Variants in TTN observed in about 807,000 individuals in gnomAD.
TTN encodes the protein connectin.
In TTN, 1,525 loss-of-function variants were observed where a neutral mutation model predicts 3,223.0. The observed-to-expected ratio is 0.47, with a 90% CI of 0.45 to 0.49. TTN has a LOEUF of 0.49. TTN is among the 20% of genes least tolerant of loss of function. The pLI is 0.00. For missense variants in TTN, 40,786 were observed against 43,424.0 expected, an observed-to-expected ratio of 0.94 and a Z score of 5.40; for synonymous variants, 14,094 against 15,161.0, an observed-to-expected ratio of 0.93 and a Z score of 5.17.
Position 178,776,135 on chromosome 2 carries a change from A to G in TTN, c.5729T>C (p.Val1910Ala), listed in dbSNP as rs1322379803. 1 of 1,614,064 alleles carries G rather than the reference A, an allele frequency of 6.2e-7. No individual in the cohort carries two copies. Among genetic ancestry groups the G allele is most frequent in the Non-Finnish European group, 8.5e-7 (1 of 1,179,974 alleles). Residue 1910 changes from valine (V) to alanine (A), a missense_variant, in exon 28 of 363, where the codon GTG (valine) becomes GCG (alanine). By Grantham distance (64) the Val-to-Ala change is moderately conservative (BLOSUM62 0). Transcript: ENST00000589042. ...VDCKSYDTGE[V>A]KVTAENPEGV... The stretch of plus-strand genomic sequence containing the variant: ...TTCAGGATTTTCCGCGGTGACCTTC[A>G]CTTCACCTGTGTCATATGATTTGCA...
At chr2:178,666,763 A>C in intron 163 of TTN, 61 bp downstream of exon 163, 4 of 1,383,542 alleles carry the variant, frequency 2.9e-6, no homozygotes, top group Non-Finnish European at 3.9e-6. Flanking sequence ...TAGTATTTTT[A>C]CATGTGTTAA....
At position 178,719,315 on chromosome 2, in the gene TTN, A is replaced by G. The variant is rs371496970; in HGVS notation, c.24075T>C (p.Ile8025=). 1 of 1,613,674 alleles carries G rather than the reference A, an allele frequency of 6.2e-7. No individual in the cohort carries two copies. ...TGGACTGACATTTGGGCCCACTAACAATCTCATTTCCATCCTGAAACCAGC... is the reference window on the plus strand; with the variant it reads ...TGGACTGACATTTGGGCCCACTAACGATCTCATTTCCATCCTGAAACCAGC... The part of the protein sequence containing the change: ...SVGWFQDGNE[I]VSGPKCQSSF... Residue 8025 remains isoleucine, a synonymous_variant, in exon 83 of 363, where the codon ATT becomes ATC. Coordinates refer to ENST00000589042, the MANE Select transcript of TTN (RefSeq NM_001267550.2).
chr2:178,649,104 A>T, intron 213 of TTN, 144 bp downstream of exon 213: 1 of 640,836 alleles, frequency 1.6e-6, no homozygotes, highest in Non-Finnish European at 2.5e-6. Flanking sequence ...TGTCTGTTTC[A>T]TTTTTTTCCC....
rs1201765311 is a variant in TTN at position 178,748,734 on chromosome 2, G to A, written c.11311+4390C>T. ...TTAGAAATTGCAGGTTTATCTATAAGACTTATTTTTTCCTGTTGTTCCCTT... is the reference window on the plus strand; with the variant it reads ...TTAGAAATTGCAGGTTTATCTATAAAACTTATTTTTTCCTGTTGTTCCCTT... On this transcript the variant is annotated intron_variant, in intron 47 of 362. Transcript: ENST00000589042. 3 of 1,612,442 alleles carry A rather than the reference G, an allele frequency of 1.9e-6. No individual in the cohort carries two copies. In the African/African-American group the frequency reaches 4.0e-5, roughly 22 times the overall value.
chr2:178,553,439 A>T, intron 334 of TTN, 43 bp from the exon 335 acceptor site: 1 of 1,571,408 alleles, frequency 6.4e-7, no homozygotes, highest in Non-Finnish European at 8.6e-7. Flanking sequence ...TTTAAAAGCA[A>T]AAAAGAGTGA....
At position 178,607,833 on chromosome 2, in the gene TTN, C is replaced by T; in HGVS notation, c.52954G>A (p.Glu17652Lys). The T allele has an allele frequency of 1.2e-6, 2 of 1,613,030 alleles. No individual in the cohort carries two copies. Among genetic ancestry groups the T allele is most frequent in the South Asian group, 1.1e-5 (1 of 91,070 alleles). ...LRVSAVNAAG[E>K]GPPGETQPVT... ...GGTTGTGTTTCTCCAGGCGGTCCTT[C>T]CCCTGCGGCATTGACAGCACTCACC... Residue 17652 changes from glutamate (E) to lysine (K), a missense_variant, in exon 276 of 363, where the codon GAA (glutamate) becomes AAA (lysine). Coordinates refer to ENST00000589042, the MANE Select transcript of TTN (RefSeq NM_001267550.2).
chr2:178,622,538 C>T lies in TTN; in HGVS notation c.44913+132G>A, dbSNP rs2058447884. ...ATTAAAGTCAAGAATACATTTTATA[C>T]TACAATTATCTTTAAAAGTAAAGTG... On this transcript the variant is annotated intron_variant, in intron 243 of 362. Coordinates refer to ENST00000589042, the MANE Select transcript of TTN (RefSeq NM_001267550.2). The T allele has an allele frequency of 1.0e-5, 7 of 666,690 alleles. No individual in the cohort carries two copies. In the South Asian group the frequency reaches 1.4e-4, roughly 13 times the overall value. The allele number at this position is 666,690 out of a possible 1,614,324, so 41.3% of individuals were successfully genotyped here. A position where few individuals can be genotyped will look rare whatever the true frequency, so the allele number is the denominator to read the frequency against.
chr2:178,708,806 G>A (rs574697649), intron 99 of TTN, among the ~76,000 whole-genome samples: 2 of 152,262 alleles, frequency 1.3e-5, no homozygotes, highest in South Asian at 4.1e-4. Context: ...CCTGTGCACT[G>A]TGAGATAACT....
Position 178,592,791 on chromosome 2 carries a change from T to C in TTN, c.59328A>G (p.Leu19776=), listed in dbSNP as rs371660728. Residue 19776 remains leucine, a synonymous_variant, in exon 300 of 363, where the codon CTA becomes CTG. Coordinates refer to ENST00000589042, the MANE Select transcript of TTN (RefSeq NM_001267550.2). ...TTTACTCACCAAGCCTGTCTTTTAC[T>C]AGGACTGGCTCCGGAACATGAGCTG... The part of the protein sequence containing the change: ...SDPAHVPEPV[L]VKDRLEPPEL... 9 of 1,613,368 alleles carry C rather than the reference T, an allele frequency of 5.6e-6. No homozygotes were observed. Among genetic ancestry groups the C allele is most frequent in the South Asian group, 1.1e-5 (1 of 91,074 alleles).
In TTN at chr2:178,566,474, A is replaced by G. The variant is rs1705907703; in HGVS notation, c.79658T>C (p.Leu26553Pro). 1 of 1,613,360 alleles carries G rather than the reference A, an allele frequency of 6.2e-7. No homozygotes were observed. The highest frequency in any genetic ancestry group is 8.5e-7 in the Non-Finnish European group (1 of 1,179,716). The part of the protein sequence containing the change: ...LRVTRFEISK[L>P]TEHQEYKIRV... ...TATTTTATACTCTTGGTGTTCAGTGAGTTTTGAAATTTCAAATCGAGTGAC... is the reference window on the plus strand; with the variant it reads ...TATTTTATACTCTTGGTGTTCAGTGGGTTTTGAAATTTCAAATCGAGTGAC... The change falls in exon 326 of 363, where the codon CTC (leucine) becomes CCC (proline). Residue 26553 changes from leucine to proline, a missense_variant. Leu to Pro is a moderately conservative substitution (Grantham distance 98). Transcript: ENST00000589042.
Position 178,605,583 on chromosome 2 carries a change from A to C in TTN, c.53712T>G (p.His17904Gln), listed in dbSNP as rs2054588188. 1 of 1,612,356 alleles carries C rather than the reference A, an allele frequency of 6.2e-7. No homozygotes were observed. The part of the protein sequence containing the change: ...IQGYIIEKRR[H>Q]DKPDFERVNK... ...TAACTCTTTCAAAGTCAGGTTTGTC[A>C]TGACGCCGTTTTTCAATGATATATC... The change falls in exon 279 of 363, where the codon CAT (histidine) becomes CAG (glutamine). Residue 17904 changes from histidine to glutamine, a missense_variant. Coordinates refer to ENST00000589042, the MANE Select transcript of TTN (RefSeq NM_001267550.2).
At chr2:178,682,644 G>T in intron 135 of TTN, 53 bp downstream of exon 135, 4 of 1,445,546 alleles carry the variant, frequency 2.8e-6, no homozygotes, top group Admixed American at 4.8e-5. Context: ...GTTTTATCTT[G>T]TTTGAGTGTG....
At chr2:178,586,838 C>G in intron 307 of TTN, 31 bp from the exon 308 acceptor site, 1 of 1,596,506 alleles carries the variant, frequency 6.3e-7, no homozygotes, top group Non-Finnish European at 8.5e-7. Context: ...AGAAGATTAC[C>G]TAGGTAACCT....
rs367838375 is a variant in TTN, at chr2:178,587,728, A to G, written c.63581T>C (p.Leu21194Pro). The G allele has an allele frequency of 1.6e-5, 26 of 1,612,712 alleles. No homozygotes were observed. The highest frequency in any genetic ancestry group is 2.2e-5 in the Non-Finnish European group (26 of 1,179,330). Residue 21194 changes from leucine to proline, a missense_variant, in exon 306 of 363, where the codon CTC becomes CCC. Leu to Pro is a moderately conservative substitution (Grantham distance 98). Transcript: ENST00000589042. ...VIVRAGCPIR[L>P]FAIVRGRPAP... ...TGGTCGTCCTCTCACTATAGCAAAGAGACGAATAGGGCATCCTGCTCTCAC... is the reference window on the plus strand; with the variant it reads ...TGGTCGTCCTCTCACTATAGCAAAGGGACGAATAGGGCATCCTGCTCTCAC...
chr2:178,753,276 T>C (rs1471271097), intron 46 of TTN, 96 bp from the exon 47 acceptor site: 3 of 1,039,502 alleles, frequency 2.9e-6, no homozygotes, highest in Non-Finnish European at 4.3e-6. Context: ...TTCTTTTTAT[T>C]ATAACAACAG....
Position 178,774,967 on chromosome 2 carries a change from A to C in TTN, c.6744T>G (p.Leu2248=), listed in dbSNP as rs2092034026. 6.2e-7 allele frequency: 1 copy of C among 1,613,798 alleles called. No homozygotes were observed. Among genetic ancestry groups the C allele is most frequent in the Non-Finnish European group, 8.5e-7 (1 of 1,179,906 alleles). Residue 2248 remains leucine, a synonymous_variant, in exon 29 of 363, where the codon CTT becomes CTG. Coordinates refer to ENST00000589042, the MANE Select transcript of TTN (RefSeq NM_001267550.2). ...TSDAEDYSCV[L]VEDENVKTTA... is the part of the protein sequence containing the mutation. ...TCGTTTTGACATTTTCATCTTCCAC[A>C]AGTACACAGCTGTAATCTTCAGCAT... is the stretch of plus-strand genomic sequence containing the variant.
In TTN at chr2:178,693,996, T is replaced by G. The variant is rs2073094848; in HGVS notation, c.31439A>C (p.His10480Pro). 2 of 1,611,180 alleles carry G rather than the reference T, an allele frequency of 1.2e-6. No individual in the cohort carries two copies. The highest frequency in any genetic ancestry group is 2.7e-5 in the African/African-American group (2 of 74,900). ...EVIEVKVPAV[H>P]TKKMVISEEK... ...TTCTGAAATAACCATCTTCTTTGTA[T>G]GCACAGCTGGTACTTTAAAGAGAGT... is the stretch of plus-strand genomic sequence containing the variant. Residue 10480 changes from histidine to proline, a missense_variant, in exon 118 of 363, where the codon CAT becomes CCT. Transcript: ENST00000589042.
intron 361 of TTN, chr2:178,527,987 A>C (rs1271787641): frequency 7.4e-6 from 4 of 538,978 alleles, no homozygotes; most frequent in African/African-American, 3.8e-5. Context: ...GCTAGGAATC[A>C]CTAGGAGAAA....
intron 349 of TTN, 37 bp from the exon 350 acceptor site, chr2:178,541,621 T>C: frequency 6.5e-7 from 1 of 1,537,574 alleles, no homozygotes. Flanking sequence ...TATGGCAATA[T>C]GAATACGTTA....
Sources: allele counts gnomAD v4.1 joint callset (sites outside exome capture counted in the v4.1 genomes callset), GRCh38; gene constraint gnomAD v4.1.1; transcripts MANE v1.5; gene names NCBI Gene and HGNC (gene_info 2026-07-23, HGNC 2026-07-21).